Variants in HDAC9 observed in about 807,000 individuals in gnomAD.
HDAC9 encodes MEF-2 interacting transcription repressor (MITR) protein.
Under a neutral mutation model 139.4 loss-of-function variants are expected in HDAC9, and 41 were observed. The observed-to-expected ratio is 0.29, with a 90% confidence interval of 0.23 to 0.38. The LOEUF (loss-of-function observed/expected upper bound fraction) is 0.38, where lower values mean the gene tolerates loss of function less well. HDAC9 is among the 10% of genes least tolerant of loss of function. The pLI is 1.00. For synonymous variants in HDAC9, 517 were observed against 476.2 expected (o/e 1.09, Z -1.12); for missense variants, 1,147 against 1,297.0 (o/e 0.88, Z 1.78).
intron 25 of HDAC9, among the ~76,000 whole-genome samples, chr7:18,987,795 G>T (rs1436882168): frequency 6.6e-6 from 1 of 152,068 alleles, no homozygotes; most frequent in East Asian, 1.9e-4. Flanking sequence ...TTTAGTCTTG[G>T]GAGAGTGTAT....
At chr7:18,911,482 C>A (rs1802736277) in intron 22 of HDAC9, among the ~76,000 whole-genome samples, 1 of 151,346 alleles carries the variant, frequency 6.6e-6, no homozygotes, top group African/African-American at 2.4e-5. Context: ...TCATTTTGTT[C>A]ATCTTTTGTA....
At chr7:18,707,383 G>T (rs1202043624) in intron 12 of HDAC9, among the ~76,000 whole-genome samples, 3 of 152,206 alleles carry the variant, frequency 2.0e-5, no homozygotes, top group Admixed American at 1.3e-4. Flanking sequence ...GAGATAAAAA[G>T]TGTGGATTTA....
At chr7:18,228,563 G>T (rs1793228221) in intron 2 of HDAC9, among the ~76,000 whole-genome samples, 1 of 152,060 alleles carries the variant, frequency 6.6e-6, no homozygotes, top group South Asian at 2.1e-4. Context: ...CAGGCCATGG[G>T]GTGAGACCAA....
intron 6 of HDAC9, among the ~76,000 whole-genome samples, chr7:18,625,924 G>A (rs1391325561): frequency 7.5e-6 from 1 of 134,070 alleles, no homozygotes; most frequent in African/African-American, 3.1e-5. Flanking sequence ...TCCAGCCTGG[G>A]CAACAGAGCG....
chr7:18,266,739 G>A (rs1008669499), intron 2 of HDAC9, among the ~76,000 whole-genome samples: 2 of 152,122 alleles, frequency 1.3e-5, no homozygotes, highest in Admixed American at 6.6e-5. Flanking sequence ...ATAATTGACA[G>A]CAGCAGTTTT....
chr7:18,965,885 G>T (rs923286890), intron 24 of HDAC9, among the ~76,000 whole-genome samples: 1 of 152,130 alleles, frequency 6.6e-6, no homozygotes, highest in African/African-American at 2.4e-5. Flanking sequence ...AATTAGTAAG[G>T]GGCGGGACAT....
At chr7:18,952,298 C>G (rs1365111067) in intron 23 of HDAC9, among the ~76,000 whole-genome samples, 1 of 151,830 alleles carries the variant, frequency 6.6e-6, no homozygotes, top group Non-Finnish European at 1.5e-5. Context: ...TTCTGTATAA[C>G]CTGAGTCTTT....
intron 1 of HDAC9, among the ~76,000 whole-genome samples, chr7:18,123,949 A>G (rs1281927727): frequency 6.6e-6 from 1 of 152,196 alleles, no homozygotes; most frequent in Non-Finnish European, 1.5e-5. Flanking sequence ...ACAACCTCCT[A>G]AAGGAGAAAG....
At chr7:18,672,017 A>T (rs1206571141) in intron 12 of HDAC9, among the ~76,000 whole-genome samples, 1 of 152,022 alleles carries the variant, frequency 6.6e-6, no homozygotes, top group African/African-American at 2.4e-5. Context: ...TGCTGTGATC[A>T]TTCGTGTACA....
chr7:18,858,888 A>T (rs908934693), intron 21 of HDAC9, among the ~76,000 whole-genome samples: 1 of 152,184 alleles, frequency 6.6e-6, no homozygotes, highest in African/African-American at 2.4e-5. Flanking sequence ...TCTAACTCAC[A>T]GAAACACTGA....
At chr7:18,485,540 G>T (rs1795911965) in intron 1 of HDAC9, among the ~76,000 whole-genome samples, 1 of 151,168 alleles carries the variant, frequency 6.6e-6, no homozygotes, top group Non-Finnish European at 1.5e-5. Context: ...GCTGATGTTA[G>T]TTCGGCAATA....
intron 1 of HDAC9, among the ~76,000 whole-genome samples, chr7:18,380,011 C>G (rs1180589857): frequency 6.6e-6 from 1 of 152,136 alleles, no homozygotes; most frequent in Non-Finnish European, 1.5e-5. Context: ...TGGAGTAACA[C>G]ATTTTAGTTT....
intron 16 of HDAC9, among the ~76,000 whole-genome samples, chr7:18,789,314 T>A (rs1239612644): frequency 1.7e-5 from 2 of 115,390 alleles, no homozygotes; most frequent in South Asian, 3.0e-4. Flanking sequence ...ACACACAGTC[T>A]CTCTCTCTCT....
At chr7:18,993,745 G>T (rs962468614) in intron 25 of HDAC9, among the ~76,000 whole-genome samples, 1 of 152,138 alleles carries the variant, frequency 6.6e-6, no homozygotes, top group Admixed American at 6.5e-5. Flanking sequence ...TGAGGCTGCA[G>T]TTAGCTGTGA....
At chr7:18,608,641 T>C (rs576591321) in intron 6 of HDAC9, among the ~76,000 whole-genome samples, 81 of 152,324 alleles carry the variant, frequency 5.3e-4, no homozygotes, top group African/African-American at 1.9e-3. Context: ...AATTTTATAA[T>C]GTTGTTTTTA....
chr7:18,141,985 A>G (rs1489098984), intron 1 of HDAC9, among the ~76,000 whole-genome samples: 1 of 152,172 alleles, frequency 6.6e-6, no homozygotes, highest in African/African-American at 2.4e-5. Flanking sequence ...ATTTCCCCAC[A>G]TAAAACCTTG....
At chr7:18,287,551 C>G (rs866072574), upstream of HDAC9, among the ~76,000 whole-genome samples, 107 of 152,290 alleles carry the variant, frequency 7.0e-4, no homozygotes, top group African/African-American at 2.2e-3. Context: ...AGATGTCCAC[C>G]TTCTCTTGAT....
chr7:18,546,066 T>C (rs118158995), intron 2 of HDAC9, among the ~76,000 whole-genome samples: 258 of 152,340 alleles, frequency 1.7e-3, no homozygotes, highest in South Asian at 3.1e-3. Context: ...CAGGAATATG[T>C]GAACGGGAGT....
At chr7:18,341,675 A>G (rs548421689) in intron 1 of HDAC9, among the ~76,000 whole-genome samples, 38 of 150,760 alleles carry the variant, frequency 2.5e-4, no homozygotes, top group Non-Finnish European at 4.0e-4. Context: ...GTTTTTTTCT[A>G]TTTTCTCTTC....
Sources: gnomAD v4.1 joint callset for allele counts (sites outside exome capture counted in the v4.1 genomes callset) on GRCh38, gnomAD v4.1.1 for gene constraint, MANE v1.5 for transcripts, NCBI Gene and HGNC (gene_info 2026-07-23, HGNC 2026-07-21) for gene names.